The following IQGAP2 variants were observed in gnomAD, a reference collection of about 807,000 sequenced individuals.
IQGAP2 encodes the protein ras GTPase-activating-like protein IQGAP2.
A neutral mutation model predicts 201.3 loss-of-function variants in IQGAP2; 173 were observed. The ratio of observed to expected loss-of-function variants is 0.86; its 90% CI spans 0.76 to 0.98. IQGAP2 has a LOEUF of 0.98. IQGAP2 is among the 50% of genes least tolerant of loss of function. IQGAP2 has a pLI of 0.00. For missense variants in IQGAP2, 1,687 were observed against 1,864.8 expected, an observed-to-expected ratio of 0.90 and a Z score of 1.76; for synonymous variants, 675 against 673.9, an observed-to-expected ratio of 1.00 and a Z score of -0.03.
intron 23 of IQGAP2, among the ~76,000 whole-genome samples, chr5:76,671,145 G>A (rs756258086): frequency 2.0e-5 from 3 of 151,810 alleles, no homozygotes; most frequent in African/African-American, 4.8e-5. Flanking sequence ...CCTGTAATCC[G>A]AGCTACTCAG....
At chr5:76,700,626 G>C (rs914816632) in intron 33 of IQGAP2, among the ~76,000 whole-genome samples, 38 of 152,318 alleles carry the variant, frequency 2.5e-4, no homozygotes, top group African/African-American at 8.2e-4. Context: ...CTATGGAAAT[G>C]TTAATTTTGG....
Position 76,637,062 on chromosome 5 carries a change from C to G in IQGAP2, c.1809C>G (p.Leu603=). The G allele has an allele frequency of 6.2e-7, 1 of 1,611,186 alleles. No individual in the cohort carries two copies. Among genetic ancestry groups the G allele is most frequent in the Non-Finnish European group, 8.5e-7 (1 of 1,178,400 alleles). The change falls in exon 16 of 36, where the codon CTC becomes CTG. Residue 603 remains leucine (L), a synonymous_variant. Coordinates refer to ENST00000274364, the MANE Select transcript of IQGAP2 (RefSeq NM_006633.5). ...CTAGTGACGGTTCATGGCTCAAACT[C>G]AACCTGCACAAAAAATATGACTACT... ...RVSSDGSWLK[L]NLHKKYDYYY... is the part of the protein sequence containing the mutation.
intron 1 of IQGAP2, among the ~76,000 whole-genome samples, chr5:76,413,421 G>A (rs1465359055): frequency 1.1e-4 from 17 of 151,864 alleles, no homozygotes; most frequent in African/African-American, 7.3e-5. Flanking sequence ...CATCCGTCTC[G>A]GCCTCTGAAA....
chr5:76,470,912 G>T (rs1755061726), intron 2 of IQGAP2, among the ~76,000 whole-genome samples: 1 of 152,092 alleles, frequency 6.6e-6, no homozygotes. Context: ...GCTTTGAAAT[G>T]TCCTCTCTGA....
At chr5:76,676,077 T>TCTCACACACA (rs35972592) in intron 27 of IQGAP2, among the ~76,000 whole-genome samples, 60 of 135,668 alleles carry the variant, frequency 4.4e-4, no homozygotes, top group African/African-American at 1.4e-3. Flanking sequence ...TAAGACTCTG[T>TCTCACACACA]CACACACACA....
At chr5:76,508,343 G>A (rs1453030380) in intron 2 of IQGAP2, among the ~76,000 whole-genome samples, 1 of 151,872 alleles carries the variant, frequency 6.6e-6, no homozygotes, top group Non-Finnish European at 1.5e-5. Context: ...GATATGAATG[G>A]ATACCTCACC....
At chr5:76,473,716 T>A (rs1755253744) in intron 2 of IQGAP2, among the ~76,000 whole-genome samples, 2 of 152,240 alleles carry the variant, frequency 1.3e-5, no homozygotes, top group Admixed American at 1.3e-4. Context: ...TTTTGGTGCA[T>A]CTTTATTCTT....
intron 2 of IQGAP2, among the ~76,000 whole-genome samples, chr5:76,462,763 C>T (rs1472483136): frequency 2.6e-5 from 4 of 152,080 alleles, no homozygotes; most frequent in Non-Finnish European, 5.9e-5. Flanking sequence ...AATTTGACAT[C>T]AAAATTGCTT....
Position 76,671,958 on chromosome 5 carries a change from C to T in IQGAP2, c.3043C>T (p.Leu1015=). ...GGTGTACAAGGCTTGGGTGAACCAACTAGAAACACAGACTGGAGAGGCCAG... is the reference window on the plus strand; with the variant it reads ...GGTGTACAAGGCTTGGGTGAACCAATTAGAAACACAGACTGGAGAGGCCAG... ...VEVYKAWVNQ[L]ETQTGEASKL... The change falls in exon 24 of 36, where the codon CTA becomes TTA. Residue 1015 remains leucine (L), a synonymous_variant. Coordinates refer to ENST00000274364, the MANE Select transcript of IQGAP2 (RefSeq NM_006633.5). 1 of 1,613,744 alleles carries T rather than the reference C, an allele frequency of 6.2e-7. No individual in the cohort carries two copies. The highest frequency in any genetic ancestry group is 8.5e-7 in the Non-Finnish European group (1 of 1,179,708).
At chr5:76,458,520 C>T (rs962774227) in intron 1 of IQGAP2, among the ~76,000 whole-genome samples, 1 of 152,246 alleles carries the variant, frequency 6.6e-6, no homozygotes, top group African/African-American at 2.4e-5. Context: ...CCTAGACTTA[C>T]AATTTGACAG....
At chr5:76,566,373 G>A (rs1357815326) in intron 3 of IQGAP2, among the ~76,000 whole-genome samples, 1 of 152,194 alleles carries the variant, frequency 6.6e-6, no homozygotes, top group Non-Finnish European at 1.5e-5. Flanking sequence ...GCAGTCAAGG[G>A]TGGGCACTGG....
In IQGAP2 at chr5:76,611,119, T is replaced by C. The variant is rs1403850495; in HGVS notation, c.1457T>C (p.Val486Ala). 6.2e-7 allele frequency: 1 copy of C among 1,614,044 alleles called. No individual in the cohort carries two copies. The highest frequency in any genetic ancestry group is 8.5e-7 in the Non-Finnish European group (1 of 1,179,932). ...LLLPTANISD[V>A]DPAHAQHYQD... ...CTACCTACTGCGAATATTAGTGATG[T>C]GGACCCAGCCCATGCCCAGCACTAC... is the stretch of plus-strand genomic sequence containing the variant. The change falls in exon 13 of 36, where the codon GTG (valine) becomes GCG (alanine). Residue 486 changes from valine (V) to alanine (A), a missense_variant. By Grantham distance (64) the Val-to-Ala change is moderately conservative (BLOSUM62 0). Transcript: ENST00000274364.
chr5:76,460,369 C>A (rs530052369), intron 1 of IQGAP2, among the ~76,000 whole-genome samples: 1 of 152,260 alleles, frequency 6.6e-6, no homozygotes, highest in Non-Finnish European at 1.5e-5. Flanking sequence ...TGCCTGGGAG[C>A]TCTGGCTAAA....
chr5:76,615,482 T>C (rs573669261), intron 13 of IQGAP2: 23 of 152,366 alleles, frequency 1.5e-4, no homozygotes, highest in African/African-American at 5.0e-4. Context: ...TTTAAAAATA[T>C]GCATTTAAAA....
intron 22 of IQGAP2, among the ~76,000 whole-genome samples, chr5:76,667,873 CTTTCTT>C (rs1337800252): frequency 8.1e-5 from 9 of 111,740 alleles, no homozygotes; most frequent in South Asian, 2.5e-4. Context: ...CCTTAGTCCA[CTTTCTT>C]TTTTTTTTTT....
At chr5:76,683,023 TATG>T (rs1745436965) in intron 28 of IQGAP2, 89 bp from the exon 29 acceptor site, 5 of 689,376 alleles carry the variant, frequency 7.3e-6, no homozygotes, top group South Asian at 4.3e-5. Context: ...ATTTAAATGG[TATG>T]AGGAGGAAAT....
intron 2 of IQGAP2, among the ~76,000 whole-genome samples, chr5:76,477,956 G>T (rs1202041377): frequency 6.6e-6 from 1 of 152,174 alleles, no homozygotes; most frequent in Non-Finnish European, 1.5e-5. Flanking sequence ...TTGTACAGCA[G>T]TAAAATGTAT....
chr5:76,607,160 T>A (rs1747870229), intron 12 of IQGAP2: 1 of 152,192 alleles, frequency 6.6e-6, no homozygotes, highest in African/African-American at 2.4e-5. Flanking sequence ...TATGTTTTAT[T>A]TTAGTGTGTT....
intron 2 of IQGAP2, among the ~76,000 whole-genome samples, chr5:76,557,275 T>C (rs991083319): frequency 1.3e-5 from 2 of 152,178 alleles, no homozygotes; most frequent in Non-Finnish European, 2.9e-5. Context: ...ACCTCAGATA[T>C]CATGTCAGAA....
Sources: allele counts gnomAD v4.1 joint callset (sites outside exome capture counted in the v4.1 genomes callset), GRCh38; gene constraint gnomAD v4.1.1; transcripts MANE v1.5; gene names NCBI Gene and HGNC (gene_info 2026-07-23, HGNC 2026-07-21).